Variants in SHROOM3 observed in about 807,000 individuals in gnomAD.
SHROOM3 encodes shroom family member 3.
A neutral mutation model predicts 138.6 loss-of-function variants in SHROOM3; 47 were observed. The observed-to-expected ratio is 0.34, with a 90% CI of 0.27 to 0.43. The LOEUF (loss-of-function observed/expected upper bound fraction) is 0.43, where lower values mean the gene tolerates loss of function less well. Ranked by LOEUF, SHROOM3 falls within the 20% of genes least tolerant of loss-of-function variation. The pLI, the probability that SHROOM3 is intolerant of heterozygous loss-of-function variation, is 1.00. For missense variants in SHROOM3, 2,491 were observed against 2,596.5 expected, an observed-to-expected ratio of 0.96 and a Z score of 0.88; for synonymous variants, 1,062 against 1,063.3, an observed-to-expected ratio of 1.00 and a Z score of 0.02.
chr4:76,712,453 A>G (rs576569507), intron 3 of SHROOM3, among the ~76,000 whole-genome samples: 1 of 152,326 alleles, frequency 6.6e-6, no homozygotes, highest in Admixed American at 6.5e-5. Flanking sequence ...AAACAATTAA[A>G]ATATTTTATA....
Position 76,602,401 on chromosome 4 carries a change from C to T in SHROOM3, c.323+46638C>T, listed in dbSNP as rs1269545152. 3.3e-5 allele frequency among the ~76,000 whole-genome samples: 5 copies of T among 151,858 alleles called. No individual in the cohort carries two copies. In the East Asian group the frequency reaches 9.6e-4, roughly 29 times the overall value. On this transcript the variant is annotated intron_variant, in intron 2 of 10. Transcript: ENST00000296043. ...CATATAAAGTTAAGTCCACATTTTT[C>T]TATGCATTTGTCTATTGAAAACTGT... is the stretch of plus-strand genomic sequence containing the variant.
At position 76,736,280 on chromosome 4, in the gene SHROOM3, T is replaced by A. The variant is rs74961033; in HGVS notation, c.588-2481T>A. Among the ~76,000 whole-genome samples, 991 of 152,270 alleles carry A rather than the reference T, an allele frequency of 6.5e-3. 8 individuals are homozygous for A. The highest frequency in any genetic ancestry group is 0.023 in the African/African-American group (948 of 41,536). On this transcript the variant is annotated intron_variant, in intron 4 of 10. Transcript: ENST00000296043. Reference sequence around the variant, plus strand: ...ATGCTATGCCATTGAGTGCCGGGTCTGATTTCCCTGATCTGGCTGGCTTGG... The same window carrying A: ...ATGCTATGCCATTGAGTGCCGGGTCAGATTTCCCTGATCTGGCTGGCTTGG...
chr4:76,648,999 A>G (rs1003999166), intron 2 of SHROOM3, among the ~76,000 whole-genome samples: 26 of 152,218 alleles, frequency 1.7e-4, no homozygotes, highest in Middle Eastern at 3.2e-3. Context: ...TTTAAGACAA[A>G]TGAACTTTAA....
chr4:76,653,584 G>A (rs566344342), intron 2 of SHROOM3, among the ~76,000 whole-genome samples: 2 of 151,630 alleles, frequency 1.3e-5, no homozygotes, highest in African/African-American at 4.8e-5. Flanking sequence ...TAATTTTTTT[G>A]AGACAGAGTC....
At position 76,740,994 on chromosome 4, in the gene SHROOM3, T is replaced by C. The variant is rs1578009127; in HGVS notation, c.2821T>C (p.Phe941Leu). 3 of 1,489,414 alleles carry C rather than the reference T, an allele frequency of 2.0e-6. No homozygotes were observed. The East Asian group carries it at 7.3e-5, about 36-fold the overall frequency. The allele number at this position is 1,489,414 out of a possible 1,614,324, so 92.3% of individuals were successfully genotyped here. A position where few individuals can be genotyped will look rare whatever the true frequency, so the allele number is the denominator to read the frequency against. Reference sequence around the variant, plus strand: ...GTCCCGTGTCTTGGGGGCCACCTCCTTTCGACGTCGAGACCTGGAGCTGGG... The same window carrying C: ...GTCCCGTGTCTTGGGGGCCACCTCCCTTCGACGTCGAGACCTGGAGCTGGG... ...AQSRVLGATS[F>L]RRRDLELGAP... is the part of the protein sequence containing the mutation. Residue 941 changes from phenylalanine (F) to leucine (L), a missense_variant, in exon 5 of 11, where the codon TTT (phenylalanine) becomes CTT (leucine). By Grantham distance (22) the Phe-to-Leu change is conservative. Around this residue, in one of 4 missense-constraint regions of SHROOM3, gnomAD observed 1,733 missense variants for 1,661.6 expected, o/e 1.04. Coordinates refer to ENST00000296043, the MANE Select transcript of SHROOM3 (RefSeq NM_020859.4). This position sits in a 1 kb window ranked among gnomAD's most constrained non-coding sequence, Gnocchi z 4.0.
chr4:76,666,596 C>A (rs1014361936), intron 2 of SHROOM3, among the ~76,000 whole-genome samples: 1 of 152,176 alleles, frequency 6.6e-6, no homozygotes, highest in East Asian at 1.9e-4. Context: ...GTCTTTATAA[C>A]ATTTTTTTAA....
intron 1 of SHROOM3, among the ~76,000 whole-genome samples, chr4:76,501,967 A>G (rs1490332236): frequency 3.3e-5 from 5 of 152,216 alleles, no homozygotes; most frequent in African/African-American, 1.2e-4. Flanking sequence ...CTCATATTAA[A>G]GCTTAATCCC....
At chr4:76,517,621 G>GTATA (rs60652477) in intron 1 of SHROOM3, among the ~76,000 whole-genome samples, 17,503 of 146,564 alleles carry the variant, frequency 0.12, 1,105 homozygotes, top group East Asian at 0.25. Context: ...TGTTTGTTTG[G>GTATA]TATATATATA....
chr4:76,529,166 G>T (rs1350658428), intron 1 of SHROOM3, among the ~76,000 whole-genome samples: 2 of 152,152 alleles, frequency 1.3e-5, no homozygotes, highest in African/African-American at 4.8e-5. Flanking sequence ...ATGCCCTTCT[G>T]TGCTACTAGG....
intron 2 of SHROOM3, among the ~76,000 whole-genome samples, chr4:76,705,364 G>T (rs1159201384): frequency 3.0e-4 from 45 of 152,132 alleles, no homozygotes; most frequent in Admixed American, 2.9e-3. Flanking sequence ...TGACATGGTG[G>T]TGCATGCCTG....
intron 2 of SHROOM3, among the ~76,000 whole-genome samples, chr4:76,558,719 T>A (rs965754559): frequency 2.0e-5 from 3 of 152,334 alleles, no homozygotes; most frequent in East Asian, 1.9e-4. Context: ...AAGTATGCCA[T>A]ATGGACCAAA....
At chr4:76,735,839 TAAAAAAAAAAAAAAAAAA>T (rs1170202101) in intron 4 of SHROOM3, among the ~76,000 whole-genome samples, 8 of 75,840 alleles carry the variant, frequency 1.1e-4, no homozygotes, top group African/African-American at 4.7e-4. Flanking sequence ...GACTCTATCT[TAAAAAAAAAAAAAAAAAA>T]AAAAAAAAAA....
chr4:76,738,315 C>G (rs999014171), intron 4 of SHROOM3, among the ~76,000 whole-genome samples: 3 of 152,204 alleles, frequency 2.0e-5, no homozygotes, highest in Non-Finnish European at 4.4e-5. Flanking sequence ...CATGTGCACA[C>G]AAAGTCTCCT....
intron 2 of SHROOM3, among the ~76,000 whole-genome samples, chr4:76,569,251 G>T (rs1733788611): frequency 6.6e-6 from 1 of 152,198 alleles, no homozygotes; most frequent in Admixed American, 6.5e-5. Context: ...ATTTGTCAGG[G>T]GGGGAAATAA....
At chr4:76,662,763 T>C (rs1718564862) in intron 2 of SHROOM3, among the ~76,000 whole-genome samples, 1 of 152,176 alleles carries the variant, frequency 6.6e-6, no homozygotes. Flanking sequence ...AATCCTGTGG[T>C]TCGAGCTACT....
chr4:76,616,835 T>C (rs10010009), intron 2 of SHROOM3, among the ~76,000 whole-genome samples: 31,463 of 152,166 alleles, frequency 0.21, 4,092 homozygotes, highest in African/African-American at 0.36. Flanking sequence ...ATTGCATGTG[T>C]ATTCTACCAC....
chr4:76,571,006 C>A (rs1733824148), intron 2 of SHROOM3, among the ~76,000 whole-genome samples: 2 of 152,172 alleles, frequency 1.3e-5, no homozygotes, highest in Admixed American at 1.3e-4. Context: ...CAATTGTTAT[C>A]AGTTTAGGAT....
chr4:76,731,057 T>G, intron 4 of SHROOM3, 122 bp downstream of exon 4: 1 of 1,344,172 alleles, frequency 7.4e-7, no homozygotes, highest in Non-Finnish European at 1.0e-6. Flanking sequence ...ATATTAAATC[T>G]CTATCCACTG....
chr4:76,580,041 C>A (rs997848524), intron 2 of SHROOM3, among the ~76,000 whole-genome samples: 1 of 152,196 alleles, frequency 6.6e-6, no homozygotes, highest in Non-Finnish European at 1.5e-5. Context: ...TGATTCAAAC[C>A]GTCCTTTTCT....
Sources: gnomAD v4.1 joint callset for allele counts (sites outside exome capture counted in the v4.1 genomes callset) on GRCh38, gnomAD v4.1.1 for gene constraint, gnomAD v4.1.1 regional missense constraint, Gnocchi (gnomAD v3.1) non-coding constraint, MANE v1.5 for transcripts, NCBI Gene and HGNC (gene_info 2026-07-23, HGNC 2026-07-21) for gene names.